The following NCAM2 variants were observed in gnomAD, a reference collection of about 807,000 sequenced individuals.
NCAM2 encodes the protein N-CAM-2.
In NCAM2, 30 loss-of-function variants were observed where a neutral mutation model predicts 98.1. The observed-to-expected ratio is 0.31, with a 90% CI of 0.23 to 0.41. The LOEUF is 0.41. NCAM2 is among the 10% of genes least tolerant of loss of function. The probability of loss-of-function intolerance (pLI) is 1.00; values close to 1 mark genes in which losing one functional copy is unlikely to be tolerated. For missense variants in NCAM2, 867 were observed against 1,005.8 expected, an observed-to-expected ratio of 0.86 and a Z score of 1.87; for synonymous variants, 368 against 342.4, an observed-to-expected ratio of 1.07 and a Z score of -0.83.
intron 1 of NCAM2, among the ~76,000 whole-genome samples, chr21:21,262,658 C>CAAAAAAAAA (rs33912324): frequency 7.6e-5 from 6 of 78,956 alleles, no homozygotes; most frequent in East Asian, 4.9e-4. Flanking sequence ...AACAATCAGT[C>CAAAAAAAAA]AAAAAAAAAA....
At chr21:21,010,875 A>G (rs1056688186) in intron 1 of NCAM2, among the ~76,000 whole-genome samples, 5 of 152,138 alleles carry the variant, frequency 3.3e-5, no homozygotes, top group Admixed American at 2.6e-4. Context: ...CTGAGGTTGA[A>G]TGATAAAGGG....
chr21:21,081,002 G>C (rs984364178), intron 1 of NCAM2, among the ~76,000 whole-genome samples: 2 of 152,096 alleles, frequency 1.3e-5, no homozygotes, highest in Admixed American at 6.5e-5. Context: ...CAAGTGCACG[G>C]TTTGACCTTT....
intron 15 of NCAM2, among the ~76,000 whole-genome samples, chr21:21,480,284 G>A (rs233752): frequency 0.092 from 13,825 of 149,882 alleles, 2,142 homozygotes; most frequent in African/African-American, 0.32. Context: ...GGAGAATGGC[G>A]TGAACCTGGA....
intron 1 of NCAM2, among the ~76,000 whole-genome samples, chr21:21,269,549 C>A (rs1293072940): frequency 6.6e-6 from 1 of 152,078 alleles, no homozygotes; most frequent in Non-Finnish European, 1.5e-5. Context: ...TTGTAATATT[C>A]TTTCTAAATT....
At chr21:21,304,685 A>T (rs1443373738) in intron 5 of NCAM2, among the ~76,000 whole-genome samples, 1 of 152,094 alleles carries the variant, frequency 6.6e-6, no homozygotes, top group South Asian at 2.1e-4. Flanking sequence ...CATAACTTTG[A>T]TTAGAATTGT....
At chr21:21,128,797 A>C (rs771076030) in intron 1 of NCAM2, among the ~76,000 whole-genome samples, 3 of 152,182 alleles carry the variant, frequency 2.0e-5, no homozygotes, top group Non-Finnish European at 4.4e-5. Context: ...TCAATGCTTA[A>C]ATTAAATCTA....
chr21:21,430,776 T>A (rs1368666093), intron 11 of NCAM2, among the ~76,000 whole-genome samples: 2 of 151,950 alleles, frequency 1.3e-5, no homozygotes, highest in Non-Finnish European at 2.9e-5. Context: ...GGCCAGGCAC[T>A]GTGGCTCACT....
intron 15 of NCAM2, among the ~76,000 whole-genome samples, chr21:21,488,082 G>C (rs889126873): frequency 3.3e-5 from 5 of 151,832 alleles, no homozygotes; most frequent in African/African-American, 1.2e-4. Flanking sequence ...CTATAGAAGG[G>C]GTTAGATTGA....
rs1294564755 is a variant in NCAM2 at position 21,538,324 on chromosome 21, T to C, written c.*367T>C. On this transcript the variant is annotated 3_prime_UTR_variant, in exon 18 of 18. Transcript: ENST00000400546. ...ATATAGGGGTTAAGGAAAAAAAACG[T>C]GAGCTACATGTGTAAGAAGGCCCTG... 1 of 56,510 alleles carries C rather than the reference T, an allele frequency of 1.8e-5. No homozygotes were observed. Among genetic ancestry groups the C allele is most frequent in the Admixed American group, 2.2e-4 (1 of 4,582 alleles). 3.5% of individuals were successfully genotyped at this position (56,510 alleles called of 1,614,324 possible). A position where few individuals can be genotyped will look rare whatever the true frequency, so the allele number is the denominator to read the frequency against.
chr21:21,083,948 A>T (rs928369451), intron 1 of NCAM2, among the ~76,000 whole-genome samples: 3 of 152,154 alleles, frequency 2.0e-5, no homozygotes, highest in Non-Finnish European at 4.4e-5. Flanking sequence ...GGGAGAGTGG[A>T]TGGTGTCTTA....
At chr21:21,328,023 A>C (rs1388457902) in intron 6 of NCAM2, among the ~76,000 whole-genome samples, 1 of 152,178 alleles carries the variant, frequency 6.6e-6, no homozygotes, top group Non-Finnish European at 1.5e-5. Context: ...TTAATTTCAT[A>C]AATTTAATTT....
chr21:21,484,847 C>A (rs1178810656), intron 15 of NCAM2, among the ~76,000 whole-genome samples: 2 of 152,222 alleles, frequency 1.3e-5, no homozygotes, highest in Admixed American at 1.3e-4. Context: ...TCCATTAATT[C>A]CTAAAGTTGA....
At chr21:21,399,691 G>A (rs2076587042) in intron 9 of NCAM2, among the ~76,000 whole-genome samples, 1 of 152,002 alleles carries the variant, frequency 6.6e-6, no homozygotes, top group Non-Finnish European at 1.5e-5. Context: ...TGACCTAGTG[G>A]AAATTCAGGT....
chr21:21,235,732 T>G (rs1041925567), intron 1 of NCAM2, among the ~76,000 whole-genome samples: 1 of 151,910 alleles, frequency 6.6e-6, no homozygotes, highest in African/African-American at 2.4e-5. Context: ...AGCAGAAAAT[T>G]CACTCCTCCA....
At chr21:21,082,603 C>CA (rs1212912735) in intron 1 of NCAM2, among the ~76,000 whole-genome samples, 1 of 152,192 alleles carries the variant, frequency 6.6e-6, no homozygotes, top group Non-Finnish European at 1.5e-5. Flanking sequence ...TATATCATTA[C>CA]TTCCAATACC....
At chr21:21,444,479 T>G (rs1349887763) in intron 12 of NCAM2, among the ~76,000 whole-genome samples, 2 of 152,080 alleles carry the variant, frequency 1.3e-5, no homozygotes, top group Non-Finnish European at 2.9e-5. Context: ...TTTTTTTGGT[T>G]GGTAGGCTAT....
intron 15 of NCAM2, among the ~76,000 whole-genome samples, chr21:21,493,398 T>C (rs557869280): frequency 3.3e-5 from 5 of 152,034 alleles, no homozygotes; most frequent in African/African-American, 1.2e-4. Context: ...CTTTAGTTTT[T>C]CAAATACTTT....
At chr21:21,216,778 T>C (rs2069920252) in intron 1 of NCAM2, among the ~76,000 whole-genome samples, 1 of 152,180 alleles carries the variant, frequency 6.6e-6, no homozygotes, top group African/African-American at 2.4e-5. Flanking sequence ...AGGATTTCTT[T>C]CCTCTGAAAA....
At chr21:21,047,411 G>A (rs1015814872) in intron 1 of NCAM2, among the ~76,000 whole-genome samples, 3 of 152,166 alleles carry the variant, frequency 2.0e-5, no homozygotes, top group South Asian at 2.1e-4. Context: ...ATGAGCAACA[G>A]AAATGAATTG....
Sources: allele counts gnomAD v4.1 joint callset (sites outside exome capture counted in the v4.1 genomes callset), GRCh38; gene constraint gnomAD v4.1.1; transcripts MANE v1.5; gene names NCBI Gene and HGNC (gene_info 2026-07-23, HGNC 2026-07-21).